DNAH9: variants seen among roughly 807,000 people sequenced by gnomAD.
The protein encoded by DNAH9 is dynein axonemal heavy chain 9.
In DNAH9, 345 loss-of-function variants were observed where a neutral mutation model predicts 471.6. The ratio of observed to expected loss-of-function variants is 0.73; its 90% CI spans 0.67 to 0.80. The LOEUF (loss-of-function observed/expected upper bound fraction) is 0.80, where lower values mean the gene tolerates loss of function less well. DNAH9 is among the 30% of genes least tolerant of loss of function. DNAH9 has a pLI of 0.00. For missense variants in DNAH9, 5,407 were observed against 5,609.2 expected, an observed-to-expected ratio of 0.96 and a Z score of 1.15; for synonymous variants, 2,093 against 2,123.6, an observed-to-expected ratio of 0.99 and a Z score of 0.40.
intron 63 of DNAH9, among the ~76,000 whole-genome samples, chr17:11,930,780 A>AAAAAAAAAAAAAT (rs1567558351): frequency 6.6e-6 from 1 of 151,042 alleles, no homozygotes; most frequent in African/African-American, 2.4e-5. Context: ...AAAAAAAAAA[A>AAAAAAAAAAAAAT]AATTGCAGAT....
At chr17:11,863,060 G>T (rs1178723709) in intron 50 of DNAH9, among the ~76,000 whole-genome samples, 1 of 152,186 alleles carries the variant, frequency 6.6e-6, no homozygotes, top group Non-Finnish European at 1.5e-5. Context: ...ACACTATGTT[G>T]AATAGGAGTG....
At chr17:11,869,109 G>T in intron 50 of DNAH9, 25 bp from the exon 51 acceptor site, 1 of 1,610,152 alleles carries the variant, frequency 6.2e-7, no homozygotes, top group Non-Finnish European at 8.5e-7. Context: ...AATGACTGAT[G>T]GTCCTTGTAT....
At chr17:11,875,761 T>C (rs1972452330) in intron 53 of DNAH9, 1 of 152,770 alleles carries the variant, frequency 6.5e-6, no homozygotes, top group African/African-American at 2.4e-5. Context: ...TGAATGGCAC[T>C]GAGAATGTCT....
intron 61 of DNAH9, among the ~76,000 whole-genome samples, chr17:11,922,142 C>T (rs1467490758): frequency 1.3e-5 from 2 of 152,182 alleles, no homozygotes; most frequent in Non-Finnish European, 2.9e-5. Flanking sequence ...TTTCTTACTA[C>T]AAAAAGTCAT....
Position 11,959,944 on chromosome 17 carries a change from T to C in DNAH9, c.12844-1923T>C, listed in dbSNP as rs542324682. On this transcript the variant is annotated intron_variant, in intron 67 of 68. Coordinates refer to ENST00000262442, the MANE Select transcript of DNAH9 (RefSeq NM_001372.4). The stretch of plus-strand genomic sequence containing the variant: ...GGATATTGGTCTTTTCTTTAAAACA[T>C]TGAGGTTTTTATGTCTTAAAATAGT... 1.5e-4 allele frequency among the ~76,000 whole-genome samples: 23 copies of C among 152,346 alleles called. No individual in the cohort carries two copies. The South Asian group carries it at 2.1e-3, about 14-fold the overall frequency.
chr17:11,659,743 C>G (rs1567698507), intron 14 of DNAH9, among the ~76,000 whole-genome samples: 1 of 152,246 alleles, frequency 6.6e-6, no homozygotes, highest in African/African-American at 2.4e-5. Context: ...CCACCTGCTT[C>G]TTTGTTTGAT....
In DNAH9 at chr17:11,738,949, C is replaced by T; in HGVS notation, c.5884C>T (p.Leu1962=). The change falls in exon 29 of 69, where the codon CTG becomes TTG. Residue 1962 remains leucine, a synonymous_variant. Transcript: ENST00000262442. The part of the protein sequence containing the change: ...WFSFLGEEIS[L]NPSVGIFITM... The stretch of plus-strand genomic sequence containing the variant: ...CAGCTTCCTTGGGGAGGAGATCAGC[C>T]TGAATCCTTCTGTCGGTATCTTCAT... 2.5e-6 allele frequency: 4 copies of T among 1,614,030 alleles called. No individual in the cohort carries two copies. Among genetic ancestry groups the T allele is most frequent in the Non-Finnish European group, 3.4e-6 (4 of 1,179,908 alleles).
rs755369223 is a variant in DNAH9, at chr17:11,822,036, A to G, written c.8824A>G (p.Ile2942Val). The G allele has an allele frequency of 3.1e-6, 5 of 1,613,832 alleles. No individual in the cohort carries two copies. In the South Asian group the frequency reaches 3.3e-5, roughly 11 times the overall value. Residue 2942 changes from isoleucine to valine, a missense_variant, in exon 46 of 69, where the codon ATA becomes GTA. Transcript: ENST00000262442. The part of the protein sequence containing the change: ...DNRENCWKFF[I>V]DRIRRQLKVT... ...CAGAGAGAACTGTTGGAAGTTCTTTATAGATCGGATCCGGCGACAGCTGAA... is the reference window on the plus strand; with the variant it reads ...CAGAGAGAACTGTTGGAAGTTCTTTGTAGATCGGATCCGGCGACAGCTGAA...
intron 28 of DNAH9, among the ~76,000 whole-genome samples, chr17:11,731,075 TAGTG>T (rs57600078): frequency 0.12 from 17,017 of 142,946 alleles, 1,278 homozygotes; most frequent in African/African-American, 0.22. Flanking sequence ...ATGGTGATGA[TAGTG>T]ATGATGATGG....
At chr17:11,915,412 T>C (rs1359997668) in intron 61 of DNAH9, among the ~76,000 whole-genome samples, 8 of 152,080 alleles carry the variant, frequency 5.3e-5, no homozygotes, top group Non-Finnish European at 4.4e-5. Flanking sequence ...TAGTCCCAGC[T>C]ACTCGGGAGG....
At chr17:11,896,878 G>A (rs1973235034) in intron 59 of DNAH9, among the ~76,000 whole-genome samples, 4 of 152,180 alleles carry the variant, frequency 2.6e-5, no homozygotes, top group Non-Finnish European at 5.9e-5. Context: ...ATCACCTGAG[G>A]TCAGGAGTTC....
intron 66 of DNAH9, among the ~76,000 whole-genome samples, chr17:11,939,996 A>G (rs1206448742): frequency 6.6e-6 from 1 of 152,222 alleles, no homozygotes; most frequent in African/African-American, 2.4e-5. Flanking sequence ...CTGCAGGAAT[A>G]TATACCAAAA....
At chr17:11,875,629 A>G (rs1972446873) in intron 53 of DNAH9, 1 of 158,330 alleles carries the variant, frequency 6.3e-6, no homozygotes, top group Non-Finnish European at 1.4e-5. Context: ...CTCCTGAGGC[A>G]CAGTTGAACA....
chr17:11,759,049 G>A (rs1333934386), intron 35 of DNAH9, among the ~76,000 whole-genome samples: 2 of 151,034 alleles, frequency 1.3e-5, no homozygotes, highest in Admixed American at 1.3e-4. Context: ...GAAAACCAGA[G>A]AAGGGTAAGG....
chr17:11,848,534 A>T (rs114231411), intron 49 of DNAH9, among the ~76,000 whole-genome samples: 2,038 of 151,760 alleles, frequency 0.013, 47 homozygotes, highest in African/African-American at 0.046. Context: ...TAATAAATTG[A>T]ATAATTATTG....
At chr17:11,891,667 G>A in intron 57 of DNAH9, 110 bp from the exon 58 acceptor site, 1 of 1,371,192 alleles carries the variant, frequency 7.3e-7, no homozygotes, top group Non-Finnish European at 9.9e-7. Context: ...GCCTGGCCTT[G>A]GGAAAAAATT....
At chr17:11,712,399 C>T (rs1204140035) in intron 26 of DNAH9, among the ~76,000 whole-genome samples, 2 of 150,998 alleles carry the variant, frequency 1.3e-5, no homozygotes, top group Non-Finnish European at 2.9e-5. Flanking sequence ...TGTTTGTGTA[C>T]AAGTCTTTGT....
chr17:11,598,764 T>A lies in DNAH9; in HGVS notation c.266T>A (p.Val89Glu), dbSNP rs549840203. Residue 89 changes from valine (V) to glutamate (E), a missense_variant, in exon 1 of 69, where the codon GTG becomes GAG. This residue lies in a region of DNAH9 where 767 missense variants were observed against 692.5 expected (regional missense o/e 1.11). Transcript: ENST00000262442. ...RGLAIRPGLE[V>E]GPESGLAGAK... ...CTGGCAATACGCCCCGGGCTGGAGG[T>A]GGGACCTGAGTCGGGCCTGGCTGGC... The A allele has an allele frequency of 3.5e-6, 5 of 1,446,270 alleles. No individual in the cohort carries two copies. The highest frequency in any genetic ancestry group is 5.8e-5 in the East Asian group (2 of 34,252). The allele number at this position is 1,446,270 out of a possible 1,614,324, so 89.6% of individuals were successfully genotyped here. A position where few individuals can be genotyped will look rare whatever the true frequency, so the allele number is the denominator to read the frequency against.
chr17:11,839,929 G>A (rs1405363732), intron 49 of DNAH9, among the ~76,000 whole-genome samples: 1 of 152,184 alleles, frequency 6.6e-6, no homozygotes, highest in Non-Finnish European at 1.5e-5. Context: ...TGGTCAAAGT[G>A]TGAAGAAATG....
Sources: allele counts gnomAD v4.1 joint callset (sites outside exome capture counted in the v4.1 genomes callset), GRCh38; gene constraint gnomAD v4.1.1; regional missense constraint gnomAD v4.1.1; transcripts MANE v1.5; gene names NCBI Gene and HGNC (gene_info 2026-07-23, HGNC 2026-07-21).